Variants in DSCAML1 observed in about 807,000 individuals in gnomAD.
DSCAML1 encodes the protein DS cell adhesion molecule like 1, also known as cell adhesion molecule DSCAML1.
DSCAML1 carries 38 observed loss-of-function variants against 200.5 expected under a neutral mutation model. The ratio of observed to expected loss-of-function variants is 0.19; its 90% confidence interval spans 0.15 to 0.25. The LOEUF is 0.25. DSCAML1 is among the 10% of genes least tolerant of loss of function. The pLI is 1.00. For synonymous variants in DSCAML1, 1,215 were observed against 1,165.0 expected, an observed-to-expected ratio of 1.04 and a Z score of -0.87; for missense variants, 2,223 against 2,858.8, an observed-to-expected ratio of 0.78 and a Z score of 5.07.
At chr11:117,773,421 A>C (rs897505573) in intron 3 of DSCAML1, among the ~76,000 whole-genome samples, 1 of 152,040 alleles carries the variant, frequency 6.6e-6, no homozygotes, top group African/African-American at 2.4e-5. Flanking sequence ...CTGAAGTGTC[A>C]GAGGGAAGTA....
intron 3 of DSCAML1, among the ~76,000 whole-genome samples, chr11:117,687,652 TG>T (rs1375974503): frequency 1.3e-5 from 2 of 152,118 alleles, no homozygotes; most frequent in African/African-American, 4.8e-5. Flanking sequence ...CAACAGTGTA[TG>T]GCACACTGAA....
At position 117,461,546 on chromosome 11, in the gene DSCAML1, C is replaced by G. The variant is rs368641418; in HGVS notation, c.3316G>C (p.Val1106Leu). 1.9e-6 allele frequency: 3 copies of G among 1,613,988 alleles called. No individual in the cohort carries two copies. In the African/African-American group the frequency reaches 4.0e-5, roughly 22 times the overall value. Reference protein sequence around the residue: ...NVRALSITSDVAVISWSEPPR... With the variant: ...NVRALSITSDLAVISWSEPPR... ...GGCTCTGACCAGGAGATGACGGCCACGTCAGAAGTGATGGACAGGGCCCGG... is the reference window on the plus strand; with the variant it reads ...GGCTCTGACCAGGAGATGACGGCCAGGTCAGAAGTGATGGACAGGGCCCGG... Residue 1106 changes from valine to leucine, a missense_variant, in exon 18 of 33, where the codon GTG becomes CTG. Transcript: ENST00000651296.
At chr11:117,547,945 C>T (rs2137383921) in intron 3 of DSCAML1, among the ~76,000 whole-genome samples, 1 of 152,292 alleles carries the variant, frequency 6.6e-6, no homozygotes, top group East Asian at 1.9e-4. Context: ...TTCATCCTGA[C>T]CCACCCCTTA....
In DSCAML1 at chr11:117,480,338, G is replaced by A; in HGVS notation, c.2785+105C>T. On this transcript the variant is annotated intron_variant, in intron 14 of 32. Coordinates refer to ENST00000651296, the MANE Select transcript of DSCAML1 (RefSeq NM_020693.4). This position sits in a 1 kb window ranked among gnomAD's most constrained non-coding sequence, Gnocchi z 4.1. ...GTGCTTGTGTGTCTAGCTTGGATGG[G>A]CAGCCCTAAGGCTCAGGGGCTCTCC... The A allele has an allele frequency of 6.7e-7, 1 of 1,502,210 alleles. No homozygotes were observed. The highest frequency in any genetic ancestry group is 9.0e-7 in the Non-Finnish European group (1 of 1,110,846). The allele number at this position is 1,502,210 out of a possible 1,614,324, so 93.1% of individuals were successfully genotyped here. A position where few individuals can be genotyped will look rare whatever the true frequency, so the allele number is the denominator to read the frequency against.
Position 117,468,800 on chromosome 11 carries a change from T to C in DSCAML1, c.3024+1110A>G, listed in dbSNP as rs550929979. ...AGTGTGAGTGTGCGTGCACATGGTC[T>C]TAGGAAAAATATCACTAGGTCCTTC... is the stretch of plus-strand genomic sequence containing the variant. On this transcript the variant is annotated intron_variant, in intron 16 of 32. Coordinates refer to ENST00000651296, the MANE Select transcript of DSCAML1 (RefSeq NM_020693.4). Among the ~76,000 whole-genome samples the C allele has an allele frequency of 2.0e-5, 3 of 152,308 alleles. No homozygotes were observed. In the South Asian group the frequency reaches 6.2e-4, roughly 32 times the overall value.
chr11:117,667,273 G>A lies in DSCAML1; in HGVS notation c.511+109518C>T, dbSNP rs577449406. Among the ~76,000 whole-genome samples, 8 of 152,294 alleles carry A rather than the reference G, an allele frequency of 5.3e-5. 1 individual carries two copies. The East Asian group carries it at 9.7e-4, about 18-fold the overall frequency. ...CTAAAAATACAAAAATCAGCTGGGCGTGGTGGTGCATGCCTATAATCCTAG... is the reference window on the plus strand; with the variant it reads ...CTAAAAATACAAAAATCAGCTGGGCATGGTGGTGCATGCCTATAATCCTAG... On this transcript the variant is annotated intron_variant, in intron 3 of 32. Coordinates refer to ENST00000651296, the MANE Select transcript of DSCAML1 (RefSeq NM_020693.4).
intron 3 of DSCAML1, among the ~76,000 whole-genome samples, chr11:117,751,204 A>G (rs905070830): frequency 6.6e-6 from 1 of 152,146 alleles, no homozygotes; most frequent in Non-Finnish European, 1.5e-5. Flanking sequence ...GAATAATTAT[A>G]TTCTGGAAAA....
chr11:117,806,286 T>C (rs1263966968), intron 1 of DSCAML1, among the ~76,000 whole-genome samples: 1 of 152,056 alleles, frequency 6.6e-6, no homozygotes, highest in Non-Finnish European at 1.5e-5. Context: ...ATGGGAAGGA[T>C]ATGCAGAGAG....
chr11:117,534,031 C>T (rs187390485), intron 3 of DSCAML1, among the ~76,000 whole-genome samples: 97 of 152,296 alleles, frequency 6.4e-4, no homozygotes, highest in African/African-American at 2.2e-3. Flanking sequence ...GCTGAACCCA[C>T]AGGAAGAACC....
intron 3 of DSCAML1, among the ~76,000 whole-genome samples, chr11:117,730,549 G>A (rs1195608211): frequency 6.6e-6 from 1 of 152,178 alleles, no homozygotes; most frequent in East Asian, 1.9e-4. Flanking sequence ...CAGAAGGAAA[G>A]ATACCAACAG....
chr11:117,616,377 C>A (rs2051812009), intron 3 of DSCAML1, among the ~76,000 whole-genome samples: 1 of 152,204 alleles, frequency 6.6e-6, no homozygotes, highest in African/African-American at 2.4e-5. Context: ...GGTCTAAGAC[C>A]TGAAAAACAG....
At chr11:117,789,129 T>G (rs181002500) in intron 1 of DSCAML1, among the ~76,000 whole-genome samples, 21 of 152,348 alleles carry the variant, frequency 1.4e-4, no homozygotes, top group Middle Eastern at 3.4e-3. Context: ...GTTTTGCTGT[T>G]TGTTTTTAAG....
At chr11:117,599,584 T>C (rs887226989) in intron 3 of DSCAML1, among the ~76,000 whole-genome samples, 2 of 152,318 alleles carry the variant, frequency 1.3e-5, no homozygotes, top group East Asian at 3.9e-4. Flanking sequence ...CCCCTCTCTA[T>C]ACCATGTGAA....
At chr11:117,582,277 C>T (rs930249174) in intron 3 of DSCAML1, among the ~76,000 whole-genome samples, 1 of 152,172 alleles carries the variant, frequency 6.6e-6, no homozygotes, top group Non-Finnish European at 1.5e-5. Context: ...TTTGAACCCA[C>T]AAAACTGTTC....
intron 1 of DSCAML1, among the ~76,000 whole-genome samples, chr11:117,785,399 C>T (rs1253511498): frequency 6.6e-6 from 1 of 152,146 alleles, no homozygotes; most frequent in Non-Finnish European, 1.5e-5. Flanking sequence ...AGGGGGGGCA[C>T]TCCCAGAGAA....
At chr11:117,759,549 A>G (rs2054761484) in intron 3 of DSCAML1, among the ~76,000 whole-genome samples, 1 of 152,024 alleles carries the variant, frequency 6.6e-6, no homozygotes, top group African/African-American at 2.4e-5. Context: ...TTTCTCTTGT[A>G]ATGTGAGCTG....
rs76808656 is a variant in DSCAML1, at chr11:117,607,855, C to T, written c.512-75333G>A. ...GCCCTTTTGGTTAGGGAGAATCAAG[C>T]GTCCTTGTCAATAGGGAAAAAGAGT... is the stretch of plus-strand genomic sequence containing the variant. On this transcript the variant is annotated intron_variant, in intron 3 of 32. Transcript: ENST00000651296. Among the ~76,000 whole-genome samples the T allele has an allele frequency of 4.0e-3, 616 of 152,298 alleles. 11 individuals are homozygous for T. The East Asian group carries it at 0.057, about 14-fold the overall frequency.
At chr11:117,570,002 C>G (rs544139210) in intron 3 of DSCAML1, among the ~76,000 whole-genome samples, 21 of 152,284 alleles carry the variant, frequency 1.4e-4, no homozygotes, top group Non-Finnish European at 2.5e-4. Context: ...CCTACCCTGT[C>G]TAATACAACC....
chr11:117,587,454 C>T (rs117273824), intron 3 of DSCAML1, among the ~76,000 whole-genome samples: 2,348 of 152,168 alleles, frequency 0.015, 30 homozygotes, highest in Non-Finnish European at 0.023. Flanking sequence ...GGTCTGGGGA[C>T]ACCAGTGTTC....
Sources: allele counts gnomAD v4.1 joint callset (sites outside exome capture counted in the v4.1 genomes callset), GRCh38; gene constraint gnomAD v4.1.1; non-coding constraint Gnocchi (gnomAD v3.1); transcripts MANE v1.5; gene names NCBI Gene and HGNC (gene_info 2026-07-23, HGNC 2026-07-21).